TENM3: variants seen among roughly 807,000 people sequenced by gnomAD.
TENM3 encodes the protein teneurin transmembrane protein 3.
A neutral mutation model predicts 255.1 loss-of-function variants in TENM3; 63 were observed. That is an observed-to-expected ratio of 0.25 (90% CI 0.20 to 0.30). TENM3 has a LOEUF of 0.30. Among genes scored for constraint, TENM3 ranks in the 10% least tolerant of loss-of-function variants. The pLI, the probability that TENM3 is intolerant of heterozygous loss-of-function variation, is 1.00. For missense variants in TENM3, 2,929 were observed against 3,461.1 expected, an observed-to-expected ratio of 0.85 and a Z score of 3.86; for synonymous variants, 1,306 against 1,322.3, an observed-to-expected ratio of 0.99 and a Z score of 0.27.
intron 3 of TENM3, among the ~76,000 whole-genome samples, chr4:182,477,948 C>T (rs1209850084): frequency 6.6e-6 from 1 of 152,012 alleles, no homozygotes; most frequent in Non-Finnish European, 1.5e-5. Flanking sequence ...TGGTACAAAG[C>T]AGAACAAATG....
intron 3 of TENM3, among the ~76,000 whole-genome samples, chr4:182,451,823 G>A (rs566127643): frequency 1.4e-4 from 21 of 152,264 alleles, no homozygotes; most frequent in African/African-American, 5.1e-4. Context: ...AAGAGACTGG[G>A]CTTTGGAACA....
chr4:181,630,284 A>G, the TENM3 span, among the ~76,000 whole-genome samples: 1 of 151,918 alleles, frequency 6.6e-6, no homozygotes, highest in Non-Finnish European at 1.5e-5. Flanking sequence ...TTTTCAAAAA[A>G]CCAGCTCCTG....
the TENM3 span, among the ~76,000 whole-genome samples, chr4:181,828,142 G>C: frequency 2.0e-5 from 3 of 152,158 alleles, no homozygotes; most frequent in African/African-American, 4.8e-5. Context: ...GTATCCTGAT[G>C]AATGCCCTGG....
At chr4:181,546,701 G>C in the TENM3 span, among the ~76,000 whole-genome samples, 1 of 132,716 alleles carries the variant, frequency 7.5e-6, no homozygotes, top group Admixed American at 8.2e-5. Flanking sequence ...GCGACAGAGC[G>C]AGACTCCGTC....
chr4:182,250,283 A>ACCTCATGATCCGCCCG (rs1757933769), intron 1 of TENM3, among the ~76,000 whole-genome samples: 2 of 149,862 alleles, frequency 1.3e-5, no homozygotes, highest in African/African-American at 5.1e-5. Context: ...CGATCTCCTG[A>ACCTCATGATCCGCCCG]CCTCATGATC....
At chr4:182,742,601 C>T (rs917897682) in intron 18 of TENM3, among the ~76,000 whole-genome samples, 12 of 152,142 alleles carry the variant, frequency 7.9e-5, no homozygotes. Context: ...ATTATAAATT[C>T]AAAAGAAATT....
chr4:182,614,933 G>A (rs12499296), intron 4 of TENM3, among the ~76,000 whole-genome samples: 30,923 of 150,150 alleles, frequency 0.21, 3,795 homozygotes, highest in Admixed American at 0.27. Flanking sequence ...ATGGCAGGGC[G>A]TCCACTGCAG....
chr4:181,899,905 T>G, the TENM3 span, among the ~76,000 whole-genome samples: 1 of 152,174 alleles, frequency 6.6e-6, no homozygotes, highest in African/African-American at 2.4e-5. Context: ...TATTTTATTC[T>G]TGAAGTAAAC....
At chr4:181,756,027 A>G in the TENM3 span, among the ~76,000 whole-genome samples, 7 of 152,156 alleles carry the variant, frequency 4.6e-5, no homozygotes, top group African/African-American at 1.7e-4. Context: ...AAATCTCTAA[A>G]TAATCCTCAG....
the TENM3 span, among the ~76,000 whole-genome samples, chr4:181,574,857 T>A: frequency 1.3e-5 from 2 of 152,152 alleles, no homozygotes; most frequent in Admixed American, 1.3e-4. Flanking sequence ...AAAGATCTAG[T>A]TGCAACAGAA....
chr4:182,483,526 A>G (rs1734402787), intron 3 of TENM3, among the ~76,000 whole-genome samples: 1 of 152,180 alleles, frequency 6.6e-6, no homozygotes, highest in Non-Finnish European at 1.5e-5. Context: ...TTAGAAATGG[A>G]ACTACTATAC....
chr4:182,506,825 C>T (rs776924533), intron 3 of TENM3, among the ~76,000 whole-genome samples: 50 of 152,092 alleles, frequency 3.3e-4, no homozygotes, highest in Non-Finnish European at 6.5e-4. Context: ...TTTGAACTTC[C>T]TTAACTCTGT....
the TENM3 span, among the ~76,000 whole-genome samples, chr4:181,495,918 A>AAAG: frequency 4.0e-5 from 6 of 150,330 alleles, no homozygotes; most frequent in Non-Finnish European, 7.4e-5. Flanking sequence ...AAAAAAAAAA[A>AAAG]AAAAGAAACA....
chr4:181,528,703 G>A, the TENM3 span, among the ~76,000 whole-genome samples: 154 of 152,312 alleles, frequency 1.0e-3, 3 homozygotes, highest in Admixed American at 0.01. Context: ...TTTCACCGAG[G>A]AGGTGGAATT....
chr4:182,779,885 C>T (rs149257860), intron 24 of TENM3, among the ~76,000 whole-genome samples: 37,934 of 151,986 alleles, frequency 0.25, 5,109 homozygotes, highest in Non-Finnish European at 0.31. Flanking sequence ...TCGTGTCCTT[C>T]GCCCACTTTT....
At chr4:182,565,611 C>G (rs1346002709) in intron 3 of TENM3, among the ~76,000 whole-genome samples, 5 of 152,146 alleles carry the variant, frequency 3.3e-5, no homozygotes, top group African/African-American at 1.2e-4. Context: ...TGTTTTCAAA[C>G]TTTCTATCTT....
intron 3 of TENM3, among the ~76,000 whole-genome samples, chr4:182,582,716 C>T (rs1237606670): frequency 1.3e-5 from 2 of 151,942 alleles, no homozygotes; most frequent in African/African-American, 4.8e-5. Flanking sequence ...GTTTTAGACT[C>T]GATATGGACG....
the TENM3 span, among the ~76,000 whole-genome samples, chr4:181,709,928 T>C: frequency 2.6e-5 from 4 of 152,160 alleles, no homozygotes; most frequent in Non-Finnish European, 5.9e-5. Flanking sequence ...TTTCCTGAGC[T>C]AGAGAGACTG....
the TENM3 span, among the ~76,000 whole-genome samples, chr4:182,008,518 G>A: frequency 2.0e-5 from 3 of 151,456 alleles, no homozygotes; most frequent in Non-Finnish European, 4.4e-5. Context: ...CTTCTGCTTG[G>A]TCTATTCGAC....
Sources: allele counts gnomAD v4.1 joint callset (sites outside exome capture counted in the v4.1 genomes callset), GRCh38; gene constraint gnomAD v4.1.1; transcripts MANE v1.5; gene names NCBI Gene and HGNC (gene_info 2026-07-23, HGNC 2026-07-21).